PODXL2: variants seen among roughly 807,000 people sequenced by gnomAD.
PODXL2 encodes podocalyxin like 2.
Under a neutral mutation model 53.4 loss-of-function variants are expected in PODXL2, and 17 were observed. The ratio of observed to expected loss-of-function variants is 0.32; its 90% CI spans 0.22 to 0.48. The LOEUF is 0.48. Among genes scored for constraint, PODXL2 ranks in the 20% least tolerant of loss-of-function variants. PODXL2 has a pLI of 0.99. For synonymous variants in PODXL2, 311 were observed against 306.7 expected (o/e 1.01, Z -0.15); for missense variants, 673 against 760.0 (o/e 0.89, Z 1.35).
intron 2 of PODXL2, among the ~76,000 whole-genome samples, chr3:127,640,443 G>A (rs1297400230): frequency 6.6e-6 from 1 of 152,184 alleles, no homozygotes; most frequent in African/African-American, 2.4e-5. Context: ...GCTCACGTCT[G>A]TAATCCCAGC....
chr3:127,648,787 CTTTTT>C (rs988325770), intron 2 of PODXL2, among the ~76,000 whole-genome samples: 1 of 97,854 alleles, frequency 1.0e-5, no homozygotes, highest in African/African-American at 4.0e-5. Context: ...TTTTGTATTT[CTTTTT>C]TTTTTTTTTT....
In PODXL2 at chr3:127,660,490, T is replaced by C. The variant is rs1464557863; in HGVS notation, c.462T>C (p.Pro154=). 1 of 1,613,876 alleles carries C rather than the reference T, an allele frequency of 6.2e-7. No individual in the cohort carries two copies. The highest frequency in any genetic ancestry group is 1.7e-5 in the Admixed American group (1 of 59,976). ...SPLPKMNLVE[P]PWHMPPREEE... Reference sequence around the variant, plus strand: ...TGCCCAAGATGAATCTGGTTGAGCCTCCCTGGCATATGCCTCCCAGAGAGG... The same window carrying C: ...TGCCCAAGATGAATCTGGTTGAGCCCCCCTGGCATATGCCTCCCAGAGAGG... The change falls in exon 3 of 8, where the codon CCT becomes CCC. Residue 154 remains proline, a synonymous_variant. Transcript: ENST00000342480.
At chr3:127,641,313 G>A (rs1232709836) in intron 2 of PODXL2, among the ~76,000 whole-genome samples, 3 of 152,208 alleles carry the variant, frequency 2.0e-5, no homozygotes, top group East Asian at 1.9e-4. Context: ...GGGCTCAAGC[G>A]ATCCTCCCAC....
intron 4 of PODXL2, among the ~76,000 whole-genome samples, chr3:127,668,181 G>C (rs1298546494): frequency 6.6e-6 from 1 of 151,606 alleles, no homozygotes; most frequent in Non-Finnish European, 1.5e-5. Context: ...TGTGTCTCTG[G>C]GACAGGCCCC....
chr3:127,648,551 A>G (rs148812350), intron 2 of PODXL2, among the ~76,000 whole-genome samples: 100 of 152,326 alleles, frequency 6.6e-4, no homozygotes, highest in African/African-American at 2.3e-3. Flanking sequence ...TTAAAAGAAG[A>G]AAATAAAAAT....
Position 127,672,585 on chromosome 3 carries a change from C to A in PODXL2, c.*105C>A. On this transcript the variant is annotated 3_prime_UTR_variant, in exon 8 of 8. Coordinates refer to ENST00000342480, the MANE Select transcript of PODXL2 (RefSeq NM_015720.4). Reference sequence around the variant, plus strand: ...CAGCCCCGCGCCTACCCGGGCCGCCCCCGCGGCCTGGCCCTCGGCGCGGGC... The same window carrying A: ...CAGCCCCGCGCCTACCCGGGCCGCCACCGCGGCCTGGCCCTCGGCGCGGGC... 1 of 731,492 alleles carries A rather than the reference C, an allele frequency of 1.4e-6. No homozygotes were observed. Among genetic ancestry groups the A allele is most frequent in the Non-Finnish European group, 2.0e-6 (1 of 492,950 alleles). The allele number at this position is 731,492 out of a possible 1,614,324, so 45.3% of individuals were successfully genotyped here.
At chr3:127,661,222 G>T in intron 3 of PODXL2, 63 bp downstream of exon 3, 1 of 1,280,246 alleles carries the variant, frequency 7.8e-7, no homozygotes, top group East Asian at 2.4e-5. Context: ...GCCATCCCCA[G>T]GGCTAGTGTG....
At chr3:127,645,974 G>A (rs890769957) in intron 2 of PODXL2, among the ~76,000 whole-genome samples, 2 of 152,226 alleles carry the variant, frequency 1.3e-5, no homozygotes, top group African/African-American at 4.8e-5. Context: ...ACTGTGCCAA[G>A]TGCTATCCTA....
At chr3:127,636,663 T>C (rs970596794) in intron 1 of PODXL2, among the ~76,000 whole-genome samples, 2 of 152,174 alleles carry the variant, frequency 1.3e-5, no homozygotes, top group Non-Finnish European at 2.9e-5. Flanking sequence ...ACATGGTGCC[T>C]AGGACAGCAG....
In PODXL2 at chr3:127,639,245, G is replaced by A; in HGVS notation, c.71G>A (p.Gly24Glu). 6.3e-7 allele frequency: 1 copy of A among 1,599,652 alleles called. No homozygotes were observed. Among genetic ancestry groups the A allele is most frequent in the Non-Finnish European group, 8.5e-7 (1 of 1,174,304 alleles). Reference sequence around the variant, plus strand: ...CTGTCTGGCTTTTATGTCTGCACAGGAGCGTTCCTGGGTGCCTGTGTGGCT... The same window carrying A: ...CTGTCTGGCTTTTATGTCTGCACAGAAGCGTTCCTGGGTGCCTGTGTGGCT... ...LSPLLLLLVGGAFLGACVAGS... is the reference protein window; with the variant it reads ...LSPLLLLLVGEAFLGACVAGS... Residue 24 changes from glycine to glutamate, a missense_variant and splice_region_variant, in exon 2 of 8, where the codon GGA becomes GAA. Gly to Glu is a moderately conservative substitution (Grantham distance 98). This residue lies in a region of PODXL2 where 588 missense variants were observed against 668.3 expected (regional missense o/e 0.88). Transcript: ENST00000342480.
chr3:127,655,451 G>A (rs887699191), intron 2 of PODXL2, among the ~76,000 whole-genome samples: 5 of 152,088 alleles, frequency 3.3e-5, no homozygotes, highest in Admixed American at 1.3e-4. Flanking sequence ...ATAGCAGGAG[G>A]AGGTGGAGGA....
intron 2 of PODXL2, among the ~76,000 whole-genome samples, chr3:127,644,252 C>T (rs2074639178): frequency 6.6e-6 from 1 of 152,076 alleles, no homozygotes; most frequent in Admixed American, 6.6e-5. Context: ...ACTGGGATTA[C>T]AGGCGTGCCA....
At chr3:127,643,829 G>T (rs1404671250) in intron 2 of PODXL2, among the ~76,000 whole-genome samples, 1 of 151,670 alleles carries the variant, frequency 6.6e-6, no homozygotes, top group Non-Finnish European at 1.5e-5. Flanking sequence ...TGTAGAGACA[G>T]GGTTTTGCCA....
In PODXL2 at chr3:127,672,764, C is replaced by A. The variant is rs1367811230; in HGVS notation, c.*284C>A. The A allele has an allele frequency of 3.1e-5, 12 of 392,532 alleles. No individual in the cohort carries two copies. The highest frequency in any genetic ancestry group is 5.3e-5 in the Non-Finnish European group (12 of 225,844). 24.3% of individuals were successfully genotyped at this position (392,532 alleles called of 1,614,324 possible). A position where few individuals can be genotyped will look rare whatever the true frequency, so the allele number is the denominator to read the frequency against. Reference sequence around the variant, plus strand: ...GGGCGGCGCTTCCTGCGCCCCGGGACTCAATTAAACCCGCCCGGAGACCAC... The same window carrying A: ...GGGCGGCGCTTCCTGCGCCCCGGGAATCAATTAAACCCGCCCGGAGACCAC... On this transcript the variant is annotated 3_prime_UTR_variant, in exon 8 of 8. Transcript: ENST00000342480.
intron 1 of PODXL2, among the ~76,000 whole-genome samples, chr3:127,632,285 C>T (rs1483275578): frequency 6.6e-6 from 1 of 152,154 alleles, no homozygotes; most frequent in Non-Finnish European, 1.5e-5. Flanking sequence ...CCTGCCATGC[C>T]ACAGCCTCTC....
At chr3:127,660,239 C>T (rs557756060) in intron 2 of PODXL2, 139 bp from the exon 3 acceptor site, 1 of 991,340 alleles carries the variant, frequency 1.0e-6, no homozygotes, top group Admixed American at 2.6e-5. Flanking sequence ...ACAGTCTGCT[C>T]CCCTGGCCTC....
chr3:127,666,473 T>C (rs1349825625), intron 4 of PODXL2, among the ~76,000 whole-genome samples: 2 of 152,088 alleles, frequency 1.3e-5, no homozygotes, highest in Admixed American at 6.6e-5. Flanking sequence ...AGTGGCACAA[T>C]GTCAGCTTAC....
intron 4 of PODXL2, chr3:127,666,056 T>A: frequency 2.8e-6 from 1 of 362,808 alleles, no homozygotes; most frequent in Non-Finnish European, 5.5e-6. Context: ...GATATACATA[T>A]ATCATGTATA....
intron 4 of PODXL2, among the ~76,000 whole-genome samples, chr3:127,662,657 C>A (rs1384493823): frequency 6.6e-6 from 1 of 152,092 alleles, no homozygotes; most frequent in Admixed American, 6.5e-5. Context: ...GGGTCTCAGC[C>A]TTTTCATATA....
Sources: allele counts gnomAD v4.1 joint callset (sites outside exome capture counted in the v4.1 genomes callset), GRCh38; gene constraint gnomAD v4.1.1; regional missense constraint gnomAD v4.1.1; transcripts MANE v1.5; gene names NCBI Gene and HGNC (gene_info 2026-07-23, HGNC 2026-07-21).